PON3: variants seen among roughly 807,000 people sequenced by gnomAD.
The protein encoded by PON3 is paraoxonase 3.
In PON3, 37 loss-of-function variants were observed where a neutral mutation model predicts 36.3. That is an observed-to-expected ratio of 1.02 (90% confidence interval 0.78 to 1.34). PON3 has a LOEUF of 1.34. Ranked by LOEUF, PON3 falls within the 40% of genes most tolerant of loss-of-function variation. The pLI is 0.00. For missense variants in PON3, 415 were observed against 426.5 expected (o/e 0.97, Z 0.24); for synonymous variants, 155 against 154.8 (o/e 1.00, Z -0.01).
At chr7:95,366,429 G>A (rs560442304) in intron 5 of PON3, among the ~76,000 whole-genome samples, 33 of 152,282 alleles carry the variant, frequency 2.2e-4, no homozygotes, top group Non-Finnish European at 3.5e-4. Flanking sequence ...CTCTGCACTC[G>A]TTTCCCCCAT....
intron 3 of PON3, among the ~76,000 whole-genome samples, chr7:95,388,198 A>G (rs1585733363): frequency 6.6e-6 from 1 of 152,202 alleles, no homozygotes; most frequent in East Asian, 1.9e-4. Context: ...CCATCTGACA[A>G]AGGGCTAACA....
At chr7:95,387,064 G>A (rs569757549) in intron 3 of PON3, among the ~76,000 whole-genome samples, 3 of 152,116 alleles carry the variant, frequency 2.0e-5, no homozygotes, top group African/African-American at 7.2e-5. Flanking sequence ...CATTCCATTT[G>A]AAAACCTGCA....
chr7:95,382,787 G>A (rs1987726), intron 3 of PON3, among the ~76,000 whole-genome samples: 66,966 of 151,964 alleles, frequency 0.44, 15,803 homozygotes, highest in East Asian at 0.74. Context: ...AGGAGGAGCT[G>A]GTACCATTCT....
chr7:95,365,319 G>C (rs1204177927), intron 5 of PON3: 2 of 152,240 alleles, frequency 1.3e-5, no homozygotes, highest in Non-Finnish European at 2.9e-5. Flanking sequence ...GCCTACTGTG[G>C]GCCTCTTGCC....
intron 3 of PON3, among the ~76,000 whole-genome samples, chr7:95,388,534 T>C (rs1809251483): frequency 6.6e-6 from 1 of 152,212 alleles, no homozygotes; most frequent in African/African-American, 2.4e-5. Flanking sequence ...CGTGTGGCAG[T>C]TCCTCAAGGG....
chr7:95,379,436 G>C (rs1228026687), intron 3 of PON3, among the ~76,000 whole-genome samples: 2 of 152,242 alleles, frequency 1.3e-5, no homozygotes, highest in Non-Finnish European at 2.9e-5. Flanking sequence ...CAAAGGGTCA[G>C]GGAATTCCCT....
Position 95,372,337 on chromosome 7 carries a change from C to G in PON3, c.203G>C (p.Gly68Ala). ...LPSGLAFISSGLKYPGMPNFA... is the reference protein window; with the variant it reads ...LPSGLAFISSALKYPGMPNFA... The stretch of plus-strand genomic sequence containing the variant: ...GTTTGGCATGCCTGGATATTTTAAT[C>G]CCTTTTAAAAATAAAGAACAAGTGT... The change falls in exon 4 of 9, where the codon GGA becomes GCA. Residue 68 changes from glycine (G) to alanine (A), a missense_variant and splice_region_variant. Gly to Ala is a moderately conservative substitution (Grantham distance 60, BLOSUM62 0). Transcript: ENST00000265627. 1 of 1,613,450 alleles carries G rather than the reference C, an allele frequency of 6.2e-7. No individual in the cohort carries two copies. The highest frequency in any genetic ancestry group is 8.5e-7 in the Non-Finnish European group (1 of 1,179,654).
rs191121074 is a variant in PON3 at position 95,377,553 on chromosome 7, T to C, written c.202-5215A>G. On this transcript the variant is annotated intron_variant, in intron 3 of 8. Transcript: ENST00000265627. Reference sequence around the variant, plus strand: ...GATACCTCATACAGGCGGATGCCCCTCTGGGATGAAGCTTCCAGAAGAAAA... The same window carrying C: ...GATACCTCATACAGGCGGATGCCCCCCTGGGATGAAGCTTCCAGAAGAAAA... The C allele has an allele frequency of 3.0e-5, 13 of 427,658 alleles. No individual in the cohort carries two copies. In the Admixed American group the frequency reaches 3.2e-4, roughly 11 times the overall value. 26.5% of individuals were successfully genotyped at this position (427,658 alleles called of 1,614,324 possible). A position where few individuals can be genotyped will look rare whatever the true frequency, so the allele number is the denominator to read the frequency against.
chr7:95,372,388 A>C, intron 3 of PON3, 50 bp from the exon 4 acceptor site: 1 of 1,569,320 alleles, frequency 6.4e-7, no homozygotes, highest in Non-Finnish European at 8.7e-7. Context: ...TCAAAACAAT[A>C]TTTTCATAAG....
At chr7:95,371,541 T>C (rs1184136252) in intron 4 of PON3, among the ~76,000 whole-genome samples, 1 of 152,196 alleles carries the variant, frequency 6.6e-6, no homozygotes, top group Non-Finnish European at 1.5e-5. Context: ...AGTTTCCTAA[T>C]GTCTAAGGAT....
chr7:95,372,072 T>C (rs530944510), intron 4 of PON3, 101 bp downstream of exon 4: 1 of 1,344,996 alleles, frequency 7.4e-7, no homozygotes, highest in African/African-American at 1.4e-5. Flanking sequence ...TATGGTAAAA[T>C]AGCATCTTCT....
At chr7:95,383,105 A>C (rs1422474189) in intron 3 of PON3, among the ~76,000 whole-genome samples, 4 of 152,218 alleles carry the variant, frequency 2.6e-5, no homozygotes, top group Non-Finnish European at 5.9e-5. Flanking sequence ...TAAAAACCAC[A>C]TGATTATCTC....
At position 95,372,195 on chromosome 7, in the gene PON3, C is replaced by T. The variant is rs747574636; in HGVS notation, c.345G>A (p.Gly115=). 40 of 1,613,746 alleles carry T rather than the reference C, an allele frequency of 2.5e-5. No individual in the cohort carries two copies. In the African/African-American group the frequency reaches 4.0e-4, roughly 16 times the overall value. The change falls in exon 4 of 9, where the codon GGG becomes GGA. Residue 115 remains glycine, a synonymous_variant. Coordinates refer to ENST00000265627, the MANE Select transcript of PON3 (RefSeq NM_000940.3). Reference sequence around the variant, plus strand: ...TACCTTTGTCGATGAAAATACTGATCCCATGTGGATTAAATAATTCTTTGT... The same window carrying T: ...TACCTTTGTCGATGAAAATACTGATTCCATGTGGATTAAATAATTCTTTGT... ...GFDKELFNPH[G]ISIFIDKDNT...
At chr7:95,378,070 G>A (rs1808960707) in intron 3 of PON3, among the ~76,000 whole-genome samples, 1 of 152,146 alleles carries the variant, frequency 6.6e-6, no homozygotes. Flanking sequence ...TAAATGACCA[G>A]ATGGAGCTGA....
intron 3 of PON3, among the ~76,000 whole-genome samples, chr7:95,378,574 G>A (rs1808973195): frequency 6.6e-6 from 1 of 152,180 alleles, no homozygotes; most frequent in Non-Finnish European, 1.5e-5. Flanking sequence ...AACCCTACAA[G>A]CCAGAAGAGA....
Position 95,359,872 on chromosome 7 carries a change from T to C in PON3, c.*101A>G. 3.3e-6 allele frequency: 4 copies of C among 1,208,122 alleles called. No homozygotes were observed. Among genetic ancestry groups the C allele is most frequent in the Non-Finnish European group, 4.7e-6 (4 of 853,420 alleles). 74.8% of individuals were successfully genotyped at this position (1,208,122 alleles called of 1,614,324 possible). ...CCATAAGAAAAGCCACACTCACTGG[T>C]TGGTGTTTGCTATTTACTTACAGTG... On this transcript the variant is annotated 3_prime_UTR_variant, in exon 9 of 9. Transcript: ENST00000265627.
intron 3 of PON3, among the ~76,000 whole-genome samples, chr7:95,388,976 A>G (rs1809260091): frequency 6.6e-6 from 1 of 152,146 alleles, no homozygotes; most frequent in African/African-American, 2.4e-5. Context: ...CATTAGGAGA[A>G]ATACCTAATG....
At chr7:95,371,212 TG>T (rs1808801115) in intron 4 of PON3, among the ~76,000 whole-genome samples, 1 of 151,010 alleles carries the variant, frequency 6.6e-6, no homozygotes, top group South Asian at 2.1e-4. Context: ...GATAGACATT[TG>T]GGTTATTTCC....
At chr7:95,393,484 A>C (rs1397256212) in intron 2 of PON3, among the ~76,000 whole-genome samples, 1 of 152,230 alleles carries the variant, frequency 6.6e-6, no homozygotes, top group African/African-American at 2.4e-5. Context: ...AACAGGGAAC[A>C]CAATCTAGCC....
Sources: gnomAD v4.1 joint callset for allele counts (sites outside exome capture counted in the v4.1 genomes callset) on GRCh38, gnomAD v4.1.1 for gene constraint, MANE v1.5 for transcripts, NCBI Gene and HGNC (gene_info 2026-07-23, HGNC 2026-07-21) for gene names.